Variants in SOX5 observed in about 807,000 individuals in gnomAD.
SOX5 encodes transcription factor SOX-5.
In SOX5, 9 loss-of-function variants were observed where a neutral mutation model predicts 92.0. The ratio of observed to expected loss-of-function variants is 0.10; its 90% CI spans 0.06 to 0.17. The LOEUF is 0.17. SOX5 is among the 10% of genes least tolerant of loss of function. The pLI is 1.00. For missense variants in SOX5, 642 were observed against 944.5 expected, an observed-to-expected ratio of 0.68 and a Z score of 4.20; for synonymous variants, 344 against 336.3, an observed-to-expected ratio of 1.02 and a Z score of -0.25.
At chr12:23,723,143 T>G (rs1289622038) in intron 6 of SOX5, among the ~76,000 whole-genome samples, 3 of 152,040 alleles carry the variant, frequency 2.0e-5, no homozygotes, top group African/African-American at 4.8e-5. Flanking sequence ...CCATAATATA[T>G]TATACTAACA....
chr12:23,798,873 A>G (rs1435982647), intron 3 of SOX5, among the ~76,000 whole-genome samples: 2 of 152,058 alleles, frequency 1.3e-5, no homozygotes, highest in African/African-American at 4.8e-5. Context: ...ATCTGTAAAA[A>G]GCAAATATAC....
At chr12:23,582,173 G>C (rs1950133643) in intron 9 of SOX5, 10 of 985,248 alleles carry the variant, frequency 1.0e-5, no homozygotes, top group Non-Finnish European at 8.4e-6. Flanking sequence ...TCCCTAGCTT[G>C]TGTGCAGCAC....
chr12:23,545,620 G>A (rs182727584), intron 12 of SOX5, among the ~76,000 whole-genome samples: 29 of 152,204 alleles, frequency 1.9e-4, no homozygotes, highest in African/African-American at 6.7e-4. Flanking sequence ...GTTCCAAAAT[G>A]TAAGAAACTA....
chr12:23,775,283 C>A (rs998142372), intron 3 of SOX5, among the ~76,000 whole-genome samples: 4 of 152,034 alleles, frequency 2.6e-5, no homozygotes, highest in African/African-American at 9.7e-5. Flanking sequence ...ATTTAATTTT[C>A]AAAAAATCCT....
At chr12:24,535,890 GCCCCACCACC>G (rs1418493389) in intron 1 of SOX5, among the ~76,000 whole-genome samples, 1 of 140,038 alleles carries the variant, frequency 7.1e-6, no homozygotes, top group African/African-American at 2.7e-5. Context: ...TGCTTCCCCC[GCCCCACCACC>G]CTGTGTTCCT....
In SOX5 at chr12:23,534,298, T is replaced by A; in HGVS notation, c.2213A>T (p.Glu738Val). ...AEDINGEIYD[E>V]YDEEEDDPDV... ...TGGATCATCCTCTTCCTCGTCGTACTCATCATAAATTTCTCCATTGATGTC... is the reference window on the plus strand; with the variant it reads ...TGGATCATCCTCTTCCTCGTCGTACACATCATAAATTTCTCCATTGATGTC... Residue 738 changes from glutamate to valine, a missense_variant, in exon 15 of 15, where the codon GAG (glutamate) becomes GTG (valine). Physicochemically the swap from Glu to Val is moderately radical, Grantham distance 121. Around this residue, in one of 8 missense-constraint regions of SOX5, gnomAD observed 130 missense variants for 140.6 expected, o/e 0.92. Coordinates refer to ENST00000451604, the MANE Select transcript of SOX5 (RefSeq NM_006940.6). The A allele has an allele frequency of 6.2e-7, 1 of 1,614,170 alleles. No homozygotes were observed. The highest frequency in any genetic ancestry group is 8.5e-7 in the Non-Finnish European group (1 of 1,179,982).
chr12:24,354,222 T>C (rs879602238), intron 2 of SOX5, among the ~76,000 whole-genome samples: 3 of 152,154 alleles, frequency 2.0e-5, no homozygotes, highest in Non-Finnish European at 4.4e-5. Flanking sequence ...ATTCACCTGA[T>C]CTGAAAAGGA....
intron 3 of SOX5, among the ~76,000 whole-genome samples, chr12:23,834,008 T>A (rs1308882629): frequency 6.6e-6 from 1 of 151,900 alleles, no homozygotes; most frequent in East Asian, 1.9e-4. Flanking sequence ...ATTTAGACAA[T>A]CACATGCTAC....
chr12:24,262,241 T>C (rs879858394), intron 3 of SOX5, among the ~76,000 whole-genome samples: 64 of 152,150 alleles, frequency 4.2e-4, no homozygotes, highest in Non-Finnish European at 6.5e-4. Flanking sequence ...TGGGACTCTT[T>C]CTTACAGCAG....
chr12:23,598,430 C>G (rs7312926), intron 9 of SOX5, among the ~76,000 whole-genome samples: 102,012 of 137,604 alleles, frequency 0.74, 37,847 homozygotes, highest in Middle Eastern at 0.82. Context: ...ATGGAGTCTC[C>G]CTCTGTTGCC....
chr12:24,270,631 T>C (rs1943607033), intron 3 of SOX5, among the ~76,000 whole-genome samples: 1 of 152,150 alleles, frequency 6.6e-6, no homozygotes, highest in African/African-American at 2.4e-5. Flanking sequence ...CTCTCTTGAG[T>C]TAGAAGTGTT....
At chr12:24,176,888 T>A (rs1020441517) in intron 4 of SOX5, among the ~76,000 whole-genome samples, 1 of 152,228 alleles carries the variant, frequency 6.6e-6, no homozygotes, top group Non-Finnish European at 1.5e-5. Flanking sequence ...TGATGATTAC[T>A]TGTCCACCAA....
At chr12:24,429,935 G>A (rs1816503603) in intron 1 of SOX5, among the ~76,000 whole-genome samples, 1 of 152,042 alleles carries the variant, frequency 6.6e-6, no homozygotes, top group Non-Finnish European at 1.5e-5. Context: ...GAAATTACTA[G>A]CTATCAAATT....
chr12:24,071,980 G>A (rs922958506), intron 4 of SOX5, among the ~76,000 whole-genome samples: 7 of 152,136 alleles, frequency 4.6e-5, no homozygotes, highest in African/African-American at 7.2e-5. Context: ...TGAGTAAACC[G>A]AAGCACAAAG....
intron 2 of SOX5, among the ~76,000 whole-genome samples, chr12:23,872,844 G>C (rs1431330061): frequency 6.6e-6 from 1 of 152,124 alleles, no homozygotes; most frequent in African/African-American, 2.4e-5. Flanking sequence ...AGCAACTTAG[G>C]GAGCCAGGTT....
chr12:24,089,770 G>A (rs1944424023), intron 4 of SOX5, among the ~76,000 whole-genome samples: 1 of 152,086 alleles, frequency 6.6e-6, no homozygotes, highest in Non-Finnish European at 1.5e-5. Flanking sequence ...GATGAGACCT[G>A]AATAGTTAAA....
chr12:24,387,139 A>G (rs1283230579), intron 1 of SOX5, among the ~76,000 whole-genome samples: 1 of 152,226 alleles, frequency 6.6e-6, no homozygotes, highest in African/African-American at 2.4e-5. Context: ...AACTCATCAA[A>G]TAACTTCTCA....
chr12:24,518,201 T>G (rs367553166), intron 1 of SOX5, among the ~76,000 whole-genome samples: 5 of 151,988 alleles, frequency 3.3e-5, no homozygotes, highest in African/African-American at 1.2e-4. Flanking sequence ...CCCGAGTAGC[T>G]GGGGTTACAG....
chr12:23,891,736 T>A (rs1042141450), intron 2 of SOX5, among the ~76,000 whole-genome samples: 4 of 152,194 alleles, frequency 2.6e-5, no homozygotes, highest in African/African-American at 9.6e-5. Flanking sequence ...TTTGTGAATA[T>A]GACAATGGCC....
Sources: gnomAD v4.1 joint callset for allele counts (sites outside exome capture counted in the v4.1 genomes callset) on GRCh38, gnomAD v4.1.1 for gene constraint, gnomAD v4.1.1 regional missense constraint, MANE v1.5 for transcripts, NCBI Gene and HGNC (gene_info 2026-07-23, HGNC 2026-07-21) for gene names.